Variants in EPB41L3 observed in about 807,000 individuals in gnomAD.
The protein encoded by EPB41L3 is erythrocyte membrane protein band 4.1 like 3, also known as band 4.1-like protein 3.
In EPB41L3, 57 loss-of-function variants were observed where a neutral mutation model predicts 127.1. The observed-to-expected ratio is 0.45, with a 90% CI of 0.36 to 0.56. The LOEUF is 0.56. EPB41L3 is among the 20% of genes least tolerant of loss of function. EPB41L3 has a pLI of 0.00. For missense variants in EPB41L3, 1,273 were observed against 1,372.2 expected (o/e 0.93, Z 1.14); for synonymous variants, 572 against 549.5 (o/e 1.04, Z -0.57).
At chr18:5,398,386 A>AT (rs1567976657) in intron 16 of EPB41L3, 1 of 502,292 alleles carries the variant, frequency 2.0e-6, no homozygotes, top group Non-Finnish European at 3.5e-6. Context: ...AGATATATAT[A>AT]TTTTTTCCCC....
chr18:5,478,343 G>A lies in EPB41L3; in HGVS notation c.279C>T (p.Ser93=), dbSNP rs1228992005. 6.8e-6 allele frequency: 11 copies of A among 1,614,088 alleles called. No individual in the cohort carries two copies. Among genetic ancestry groups the A allele is most frequent in the Non-Finnish European group, 9.3e-6 (11 of 1,179,990 alleles). Reference sequence around the variant, plus strand: ...TTAATGGAGACCGAGAGAGTTTACTGCTAGATGATTTCTGAGAAAGTTTAT... The same window carrying A: ...TTAATGGAGACCGAGAGAGTTTACTACTAGATGATTTCTGAGAAAGTTTAT... ...EDDKLSQKSS[S]SKLSRSPLKI... Residue 93 remains serine (S), a synonymous_variant, in exon 3 of 23, where the codon AGC becomes AGT. Coordinates refer to ENST00000341928, the MANE Select transcript of EPB41L3 (RefSeq NM_012307.5).
At chr18:5,619,657 C>A (rs989264802) in intron 1 of EPB41L3, among the ~76,000 whole-genome samples, 4 of 152,182 alleles carry the variant, frequency 2.6e-5, no homozygotes, top group Admixed American at 2.0e-4. Flanking sequence ...TTAACAAACA[C>A]CCCCTTTCCT....
At chr18:5,554,818 T>C (rs892832405) in intron 3 of EPB41L3, among the ~76,000 whole-genome samples, 1 of 152,224 alleles carries the variant, frequency 6.6e-6, no homozygotes, top group Non-Finnish European at 1.5e-5. Context: ...ACAATGGCAG[T>C]GACCACTGCA....
chr18:5,504,587 T>C (rs1338745999), intron 1 of EPB41L3, among the ~76,000 whole-genome samples: 1 of 152,076 alleles, frequency 6.6e-6, no homozygotes, highest in Non-Finnish European at 1.5e-5. Context: ...GAAACACTGG[T>C]TGGAAAAAGA....
intron 1 of EPB41L3, among the ~76,000 whole-genome samples, chr18:5,494,939 A>C (rs1371969594): frequency 2.0e-5 from 3 of 152,174 alleles, no homozygotes; most frequent in African/African-American, 7.2e-5. Context: ...CATCTGGCAG[A>C]CATGGGAACC....
At chr18:5,471,414 G>A (rs1454946570) in intron 3 of EPB41L3, among the ~76,000 whole-genome samples, 2 of 152,160 alleles carry the variant, frequency 1.3e-5, no homozygotes, top group Admixed American at 1.3e-4. Context: ...AATCATGCTA[G>A]GGAAGATTCT....
intron 2 of EPB41L3, chr18:5,479,831 C>G (rs2088050597): frequency 6.6e-6 from 1 of 151,810 alleles, no homozygotes; most frequent in South Asian, 2.1e-4. Flanking sequence ...TAATCACTGT[C>G]TTTCTATAGC....
intron 3 of EPB41L3, among the ~76,000 whole-genome samples, chr18:5,595,291 C>T (rs922718186): frequency 1.3e-5 from 2 of 152,200 alleles, no homozygotes; most frequent in African/African-American, 4.8e-5. Context: ...TCCACTTCAT[C>T]TCCTTCAAGA....
intron 1 of EPB41L3, among the ~76,000 whole-genome samples, chr18:5,505,638 C>T (rs2092104364): frequency 1.4e-5 from 2 of 147,874 alleles, no homozygotes; most frequent in South Asian, 2.3e-4. Flanking sequence ...ACACCTTCAC[C>T]TCCACCCCTA....
At chr18:5,482,457 C>G (rs1222025897) in intron 2 of EPB41L3, among the ~76,000 whole-genome samples, 1 of 152,186 alleles carries the variant, frequency 6.6e-6, no homozygotes, top group Non-Finnish European at 1.5e-5. Flanking sequence ...GAAATAATCA[C>G]AGGAAACTTT....
chr18:5,593,810 G>A (rs1477374356), intron 3 of EPB41L3, among the ~76,000 whole-genome samples: 5 of 152,156 alleles, frequency 3.3e-5, no homozygotes, highest in African/African-American at 1.2e-4. Flanking sequence ...GATGTTCTTT[G>A]CTGAGAAAAA....
At chr18:5,580,248 CAT>C (rs977512156) in intron 3 of EPB41L3, among the ~76,000 whole-genome samples, 10 of 152,088 alleles carry the variant, frequency 6.6e-5, no homozygotes, top group African/African-American at 1.9e-4. Flanking sequence ...TATGTATAGA[CAT>C]GTGTATAGAT....
intron 3 of EPB41L3, among the ~76,000 whole-genome samples, chr18:5,607,413 G>A (rs1012644037): frequency 1.3e-5 from 2 of 152,172 alleles, no homozygotes; most frequent in African/African-American, 2.4e-5. Flanking sequence ...CGAGTTCCTT[G>A]AAAGAGGCAA....
At chr18:5,568,922 A>C (rs2094242849) in intron 3 of EPB41L3, among the ~76,000 whole-genome samples, 1 of 152,228 alleles carries the variant, frequency 6.6e-6, no homozygotes, top group Non-Finnish European at 1.5e-5. Flanking sequence ...GGAAACCCAA[A>C]ACTTTCATTA....
intron 13 of EPB41L3, among the ~76,000 whole-genome samples, chr18:5,413,147 G>A (rs1270355702): frequency 1.3e-5 from 2 of 152,092 alleles, no homozygotes; most frequent in African/African-American, 4.8e-5. Context: ...TACTGTTTAT[G>A]TAATTTAAAA....
Position 5,410,596 on chromosome 18 carries a change from G to T in EPB41L3, c.2091C>A (p.Thr697=). ...EEETDSERTD[T]AADGETTATE... The stretch of plus-strand genomic sequence containing the variant: ...TGGCAGTGGTCTCCCCGTCGGCTGC[G>T]GTGTCCGTGCGCTCACTGTCAGTCT... The change falls in exon 14 of 23, where the codon ACC becomes ACA. Residue 697 remains threonine (T), a synonymous_variant. Transcript: ENST00000341928. The T allele has an allele frequency of 6.2e-7, 1 of 1,613,608 alleles. No individual in the cohort carries two copies. Among genetic ancestry groups the T allele is most frequent in the Non-Finnish European group, 8.5e-7 (1 of 1,179,710 alleles).
At chr18:5,444,763 T>C (rs1316955743) in intron 4 of EPB41L3, among the ~76,000 whole-genome samples, 1 of 152,184 alleles carries the variant, frequency 6.6e-6, no homozygotes, top group Non-Finnish European at 1.5e-5. Context: ...CATAGAATTT[T>C]GGGATATGAG....
Position 5,394,759 on chromosome 18 carries a change from T to C in EPB41L3, c.3188A>G (p.Gln1063Arg), listed in dbSNP as rs2073055144. The change falls in exon 22 of 23, where the codon CAG becomes CGG. Residue 1063 changes from glutamine to arginine, a missense_variant. Around this residue, in one of 3 missense-constraint regions of EPB41L3, gnomAD observed 765 missense variants for 782.9 expected, o/e 0.98. Coordinates refer to ENST00000341928, the MANE Select transcript of EPB41L3 (RefSeq NM_012307.5). The part of the protein sequence containing the change: ...LAQAIKEAKE[Q>R]HPDMSVTKVV... ...TTTGGTCACTGACATGTCAGGGTGC[T>C]GCTCTTTGGCCTCTTTAATTGCCTG... 1 of 1,614,070 alleles carries C rather than the reference T, an allele frequency of 6.2e-7. No individual in the cohort carries two copies. Among genetic ancestry groups the C allele is most frequent in the Non-Finnish European group, 8.5e-7 (1 of 1,180,032 alleles).
intron 13 of EPB41L3, among the ~76,000 whole-genome samples, chr18:5,412,211 T>G (rs573192065): frequency 2.6e-5 from 4 of 152,244 alleles, no homozygotes; most frequent in African/African-American, 9.6e-5. Flanking sequence ...AGTGTTTTAT[T>G]TTTTTAGACA....
Sources: gnomAD v4.1 joint callset for allele counts (sites outside exome capture counted in the v4.1 genomes callset) on GRCh38, gnomAD v4.1.1 for gene constraint, gnomAD v4.1.1 regional missense constraint, MANE v1.5 for transcripts, NCBI Gene and HGNC (gene_info 2026-07-23, HGNC 2026-07-21) for gene names.